Variants in SLIT3 observed in about 807,000 individuals in gnomAD.
SLIT3 encodes slit guidance ligand 3, also known as slit homolog 3 protein.
SLIT3 carries 68 observed loss-of-function variants against 184.0 expected under a neutral mutation model. That is an observed-to-expected ratio of 0.37 (90% CI 0.30 to 0.45). The LOEUF (loss-of-function observed/expected upper bound fraction) is 0.45, where lower values mean the gene tolerates loss of function less well. Ranked by LOEUF, SLIT3 falls within the 20% of genes least tolerant of loss-of-function variation. SLIT3 has a pLI of 1.00. For synonymous variants in SLIT3, 831 were observed against 828.6 expected (o/e 1.00, Z -0.05); for missense variants, 1,707 against 2,026.0 (o/e 0.84, Z 3.02).
At chr5:168,865,860 TTTAA>T (rs2113757179) in intron 5 of SLIT3, among the ~76,000 whole-genome samples, 1 of 152,340 alleles carries the variant, frequency 6.6e-6, no homozygotes, top group East Asian at 1.9e-4. Context: ...TTCCATTTTA[TTTAA>T]TTAAATTGGA....
At chr5:169,263,713 C>A in intron 1 of SLIT3, 1 of 509,984 alleles carries the variant, frequency 2.0e-6, no homozygotes, top group East Asian at 6.8e-5. Flanking sequence ...CTGCAGCCTC[C>A]CCCAGCTGCT....
intron 4 of SLIT3, among the ~76,000 whole-genome samples, chr5:169,081,703 G>A (rs985895804): frequency 6.6e-6 from 1 of 152,180 alleles, no homozygotes; most frequent in Non-Finnish European, 1.5e-5. Flanking sequence ...ATGAGTCCCG[G>A]CAGCAATTCA....
At chr5:168,728,974 A>T (rs1246661194) in intron 20 of SLIT3, among the ~76,000 whole-genome samples, 1 of 151,994 alleles carries the variant, frequency 6.6e-6, no homozygotes, top group Non-Finnish European at 1.5e-5. Flanking sequence ...GAAACTAAAA[A>T]ATTAATTGAA....
intron 2 of SLIT3, among the ~76,000 whole-genome samples, chr5:169,246,177 A>C (rs1015988212): frequency 6.6e-6 from 1 of 152,134 alleles, no homozygotes; most frequent in South Asian, 2.1e-4. Flanking sequence ...ATCAGCTCTC[A>C]CATTTCCAAA....
intron 25 of SLIT3, among the ~76,000 whole-genome samples, chr5:168,709,186 C>T (rs1196913654): frequency 1.3e-5 from 2 of 151,610 alleles, no homozygotes; most frequent in Non-Finnish European, 2.9e-5. Flanking sequence ...GCAACCTCCA[C>T]CTCCTGGATT....
intron 4 of SLIT3, among the ~76,000 whole-genome samples, chr5:169,126,411 A>T (rs1467750510): frequency 1.3e-5 from 2 of 152,206 alleles, no homozygotes; most frequent in Non-Finnish European, 2.9e-5. Flanking sequence ...AAAGGGTAAG[A>T]TATTTTGTAA....
At chr5:169,061,666 T>C (rs1265970631) in intron 4 of SLIT3, among the ~76,000 whole-genome samples, 1 of 152,190 alleles carries the variant, frequency 6.6e-6, no homozygotes, top group African/African-American at 2.4e-5. Flanking sequence ...TTGTTTCTGT[T>C]GTATAAGCCA....
At chr5:169,152,931 T>C (rs1762168543) in intron 4 of SLIT3, among the ~76,000 whole-genome samples, 1 of 152,190 alleles carries the variant, frequency 6.6e-6, no homozygotes, top group Non-Finnish European at 1.5e-5. Flanking sequence ...AGGTATAGCC[T>C]GGTTTCGCTG....
chr5:168,726,761 T>C (rs772361899), intron 20 of SLIT3, among the ~76,000 whole-genome samples: 2 of 151,456 alleles, frequency 1.3e-5, no homozygotes, highest in Non-Finnish European at 2.9e-5. Context: ...TCATTTGAGG[T>C]CAGGAGTTTG....
At chr5:169,004,782 G>A (rs941221959) in intron 4 of SLIT3, among the ~76,000 whole-genome samples, 1 of 152,098 alleles carries the variant, frequency 6.6e-6, no homozygotes, top group Non-Finnish European at 1.5e-5. Flanking sequence ...CTTATAGGAA[G>A]GGTCCAGAGA....
intron 27 of SLIT3, among the ~76,000 whole-genome samples, chr5:168,698,031 A>G (rs562939816): frequency 2.5e-4 from 38 of 152,268 alleles, no homozygotes; most frequent in Non-Finnish European, 5.3e-4. Flanking sequence ...GCTGTCCAGG[A>G]GACTCCAGGT....
intron 8 of SLIT3, among the ~76,000 whole-genome samples, chr5:168,808,950 C>G (rs1257265222): frequency 6.6e-6 from 1 of 152,142 alleles, no homozygotes; most frequent in Non-Finnish European, 1.5e-5. Flanking sequence ...ACTTGGGACA[C>G]CTTCCTGTTT....
chr5:168,776,912 G>C (rs1391605629), intron 12 of SLIT3, among the ~76,000 whole-genome samples: 1 of 152,022 alleles, frequency 6.6e-6, no homozygotes, highest in Non-Finnish European at 1.5e-5. Flanking sequence ...ACATCATCTT[G>C]TCAAGAAACA....
At chr5:168,771,688 C>A (rs1755553739) in intron 14 of SLIT3, among the ~76,000 whole-genome samples, 1 of 152,182 alleles carries the variant, frequency 6.6e-6, no homozygotes, top group Admixed American at 6.5e-5. Context: ...CAAGCCCTCC[C>A]AAGGTATTAG....
chr5:169,244,101 T>C (rs769667290), intron 3 of SLIT3, among the ~76,000 whole-genome samples: 5 of 152,258 alleles, frequency 3.3e-5, no homozygotes, highest in East Asian at 1.9e-4. Flanking sequence ...CCTTTTCCTC[T>C]TTCCCTCTCA....
chr5:168,873,319 G>A (rs1006803515), intron 5 of SLIT3, among the ~76,000 whole-genome samples: 2 of 152,076 alleles, frequency 1.3e-5, no homozygotes, highest in African/African-American at 4.8e-5. Flanking sequence ...CTGCAAGACT[G>A]TTGCAGTAAT....
intron 8 of SLIT3, among the ~76,000 whole-genome samples, chr5:168,808,880 G>A (rs1581104491): frequency 6.6e-6 from 1 of 152,282 alleles, no homozygotes; most frequent in Non-Finnish European, 1.5e-5. Context: ...GAAAACTGCG[G>A]AGCCTGGCCT....
chr5:168,880,192 C>T (rs1312814061), intron 5 of SLIT3, among the ~76,000 whole-genome samples: 1 of 152,220 alleles, frequency 6.6e-6, no homozygotes. Flanking sequence ...GCCTCATCTC[C>T]TGCCCCGACC....
intron 5 of SLIT3, among the ~76,000 whole-genome samples, chr5:168,856,304 G>A (rs1388730978): frequency 6.6e-6 from 1 of 152,144 alleles, no homozygotes; most frequent in African/African-American, 2.4e-5. Flanking sequence ...CATTTTGAGG[G>A]TGGTTTCCCT....
Sources: allele counts gnomAD v4.1 joint callset (sites outside exome capture counted in the v4.1 genomes callset), GRCh38; gene constraint gnomAD v4.1.1; transcripts MANE v1.5; gene names NCBI Gene and HGNC (gene_info 2026-07-23, HGNC 2026-07-21).